WDFY3: variants seen among roughly 807,000 people sequenced by gnomAD.
WDFY3 encodes WD repeat and FYVE domain-containing protein 3.
Under a neutral mutation model 409.6 loss-of-function variants are expected in WDFY3, and 66 were observed. The observed-to-expected ratio is 0.16, with a 90% CI of 0.13 to 0.20. The LOEUF is 0.20. Among genes scored for constraint, WDFY3 ranks in the 10% least tolerant of loss-of-function variants. The pLI is 1.00. For missense variants in WDFY3, 3,031 were observed against 4,298.1 expected (o/e 0.71, Z 8.24); for synonymous variants, 1,521 against 1,537.1 (o/e 0.99, Z 0.25).
intron 15 of WDFY3, chr4:84,804,305 A>C (rs1435644853): frequency 6.6e-6 from 1 of 152,206 alleles, no homozygotes; most frequent in South Asian, 2.1e-4. Flanking sequence ...AGTTGGTCTC[A>C]GCATAATTTG....
chr4:84,677,628 G>A (rs973701767), intron 66 of WDFY3, among the ~76,000 whole-genome samples: 2 of 152,060 alleles, frequency 1.3e-5, no homozygotes, highest in African/African-American at 2.4e-5. Flanking sequence ...TATCTTTGAA[G>A]AACAGAAAAA....
chr4:84,861,909 C>G (rs1391644368), intron 3 of WDFY3, among the ~76,000 whole-genome samples: 1 of 152,120 alleles, frequency 6.6e-6, no homozygotes. Context: ...ACCAGGAAGG[C>G]TGGGAGGACA....
intron 3 of WDFY3, among the ~76,000 whole-genome samples, chr4:84,867,956 G>GTCAA (rs541895411): frequency 1.2e-3 from 182 of 151,936 alleles, no homozygotes; most frequent in Admixed American, 3.7e-3. Flanking sequence ...AGATCACAAG[G>GTCAA]TCAAGAGATC....
chr4:84,736,048 C>G, intron 42 of WDFY3, 122 bp downstream of exon 42: 1 of 1,102,186 alleles, frequency 9.1e-7, no homozygotes, highest in South Asian at 2.1e-5. Flanking sequence ...GTCTGGATTA[C>G]TTCTATCTCT....
At chr4:84,730,731 T>C (rs575408824) in intron 44 of WDFY3, among the ~76,000 whole-genome samples, 17 of 152,098 alleles carry the variant, frequency 1.1e-4, no homozygotes, top group South Asian at 2.1e-4. Context: ...GGAAGAAAAA[T>C]TGTCTTGGGC....
At chr4:84,719,271 T>C (rs10516726) in intron 47 of WDFY3, among the ~76,000 whole-genome samples, 10,180 of 152,268 alleles carry the variant, frequency 0.067, 464 homozygotes, top group Admixed American at 0.12. Context: ...TACTGTACTA[T>C]TGCAAAAAGC....
chr4:84,863,186 G>A (rs1358862254), intron 3 of WDFY3, among the ~76,000 whole-genome samples: 4 of 152,204 alleles, frequency 2.6e-5, no homozygotes, highest in South Asian at 2.1e-4. Flanking sequence ...ACAAACATGG[G>A]AGTGCAGGCA....
chr4:84,940,941 T>C (rs1164448220), intron 1 of WDFY3, among the ~76,000 whole-genome samples: 1 of 152,018 alleles, frequency 6.6e-6, no homozygotes, highest in Non-Finnish European at 1.5e-5. Flanking sequence ...CAATAGATAT[T>C]TTAAAAATCA....
At chr4:84,827,226 A>G (rs977779806) in intron 9 of WDFY3, among the ~76,000 whole-genome samples, 3 of 152,148 alleles carry the variant, frequency 2.0e-5, no homozygotes, top group Admixed American at 2.0e-4. Context: ...CCCTTAAAAG[A>G]AGTAATTATT....
intron 3 of WDFY3, among the ~76,000 whole-genome samples, chr4:84,875,263 A>AACACACACACACACACAC (rs58589086): frequency 7.3e-6 from 1 of 137,484 alleles, no homozygotes; most frequent in African/African-American, 2.8e-5. Flanking sequence ...GCAAGACTCA[A>AACACACACACACACACAC]ACACACACAC....
At chr4:84,749,035 C>T (rs944186394) in intron 36 of WDFY3, among the ~76,000 whole-genome samples, 5 of 151,944 alleles carry the variant, frequency 3.3e-5, no homozygotes, top group Non-Finnish European at 4.4e-5. Context: ...GATACAGGCA[C>T]GCACCACAAC....
chr4:84,818,152 C>T (rs932474492), intron 12 of WDFY3, among the ~76,000 whole-genome samples: 8 of 152,082 alleles, frequency 5.3e-5, no homozygotes, highest in African/African-American at 1.9e-4. Flanking sequence ...ATACTCATCC[C>T]CTACCATATA....
Position 84,810,040 on chromosome 4 carries a change from A to C in WDFY3, c.2192T>G (p.Ile731Arg). 6.2e-7 allele frequency: 1 copy of C among 1,614,160 alleles called. No individual in the cohort carries two copies. The change falls in exon 14 of 68, where the codon ATA becomes AGA. Residue 731 changes from isoleucine to arginine, a missense_variant. Transcript: ENST00000295888. ...TGAGGGGAAGACATTCATGGCGCTT[A>C]TTTTTCTTAGGTCTGAGAAGCAGCC... ...FLGCFSDLRK[I>R]SAMNVFPSNT... is the part of the protein sequence containing the mutation.
chr4:84,844,470 G>A (rs1221562063), intron 5 of WDFY3: 8 of 1,289,642 alleles, frequency 6.2e-6, no homozygotes, highest in Non-Finnish European at 7.1e-6. Context: ...AGGTGTTGTG[G>A]CTTTGAAATC....
intron 44 of WDFY3, among the ~76,000 whole-genome samples, chr4:84,728,379 A>C (rs1736012762): frequency 1.3e-5 from 2 of 152,012 alleles, no homozygotes; most frequent in Admixed American, 1.3e-4. Flanking sequence ...AAAAATCCAA[A>C]AACAGCCTGG....
intron 1 of WDFY3, among the ~76,000 whole-genome samples, chr4:84,953,936 A>G (rs1773929543): frequency 6.6e-6 from 1 of 152,136 alleles, no homozygotes; most frequent in Admixed American, 6.5e-5. Context: ...TCTACTCATT[A>G]AGTGTCCATA....
chr4:84,915,602 C>A (rs1418792564), intron 2 of WDFY3, among the ~76,000 whole-genome samples: 1 of 152,162 alleles, frequency 6.6e-6, no homozygotes, highest in African/African-American at 2.4e-5. Flanking sequence ...CACTCCACAG[C>A]AATAAAAGCC....
chr4:84,852,783 G>A (rs1299337472), intron 4 of WDFY3, among the ~76,000 whole-genome samples: 1 of 150,708 alleles, frequency 6.6e-6, no homozygotes, highest in Non-Finnish European at 1.5e-5. Context: ...TTTGAGATAG[G>A]GTCTTACTCT....
At chr4:84,881,861 A>G (rs1215811642) in intron 3 of WDFY3, among the ~76,000 whole-genome samples, 1 of 151,818 alleles carries the variant, frequency 6.6e-6, no homozygotes, top group Non-Finnish European at 1.5e-5. Context: ...AGCCTGGGTG[A>G]GAGAACGAGA....
Sources: allele counts gnomAD v4.1 joint callset (sites outside exome capture counted in the v4.1 genomes callset), GRCh38; gene constraint gnomAD v4.1.1; transcripts MANE v1.5; gene names NCBI Gene and HGNC (gene_info 2026-07-23, HGNC 2026-07-21).